SYTL4: variants seen among roughly 807,000 people sequenced by gnomAD.
SYTL4 encodes synaptotagmin-like protein 4.
A neutral mutation model predicts 52.7 loss-of-function variants in SYTL4; 16 were observed. The observed-to-expected ratio is 0.30, with a 90% CI of 0.21 to 0.46. The LOEUF is 0.46. Among genes scored for constraint, SYTL4 ranks in the 20% least tolerant of loss-of-function variants. The pLI, the probability that SYTL4 is intolerant of heterozygous loss-of-function variation, is 1.00. For synonymous variants in SYTL4, 160 were observed against 186.6 expected, an observed-to-expected ratio of 0.86 and a Z score of 1.16; for missense variants, 423 against 519.9, an observed-to-expected ratio of 0.81 and a Z score of 1.81.
intron 3 of SYTL4, among the ~76,000 whole-genome samples, 188 bp from the exon 4 acceptor site, chrX:100,703,373 T>A (rs1032550631): frequency 9.9e-5 from 11 of 111,227 alleles, no homozygotes; most frequent in South Asian, 3.8e-4. Flanking sequence ...CTGGAAAAAA[T>A]TTTTTTTAAT....
intron 16 of SYTL4, among the ~76,000 whole-genome samples, 172 bp from the exon 17 acceptor site, chrX:100,681,507 T>C (rs1329983698): frequency 8.9e-6 from 1 of 111,795 alleles, no homozygotes; most frequent in Non-Finnish European, 1.9e-5. Context: ...CACAGGTTTC[T>C]ATGGCAGTTT....
rs1181762978 is a variant in SYTL4 at position 100,699,482 on chromosome X, CT to C, written c.539+1414del. ...AATGAATGTTCATAGCAGCATTACT[CT>C]TTTTTTTTTTTTTTTTTTTTTTTTG... On this transcript the variant is annotated intron_variant, in intron 8 of 19. Transcript: ENST00000372989. Among the ~76,000 whole-genome samples, 356 of 59,846 alleles carry C rather than the reference CT, an allele frequency of 5.9e-3. 12 individuals carry two copies. Among genetic ancestry groups the C allele is most frequent in the East Asian group, 0.025 (44 of 1,769 alleles). The allele number at this position is 59,846 out of a possible 115,157, so 52.0% of individuals were successfully genotyped here.
At chrX:100,729,415 T>G (rs1183146466) in intron 2 of SYTL4, among the ~76,000 whole-genome samples, 1 of 110,172 alleles carries the variant, frequency 9.1e-6, no homozygotes, top group Non-Finnish European at 1.9e-5. Flanking sequence ...AACAATGTAA[T>G]AAGGTAGGGA....
intron 2 of SYTL4, among the ~76,000 whole-genome samples, chrX:100,717,563 T>A (rs1048038096): frequency 8.8e-6 from 1 of 113,036 alleles, no homozygotes; most frequent in Non-Finnish European, 1.9e-5. Flanking sequence ...AATCACATCA[T>A]GTGTGGCTGG....
chrX:100,682,552 A>C (rs896243570), intron 16 of SYTL4, among the ~76,000 whole-genome samples: 3 of 110,040 alleles, frequency 2.7e-5, no homozygotes, highest in Non-Finnish European at 3.8e-5. Context: ...AACAAAAAAC[A>C]CAGAAATCAG....
intron 2 of SYTL4, among the ~76,000 whole-genome samples, chrX:100,714,864 T>C (rs1335830084): frequency 8.9e-6 from 1 of 112,108 alleles, no homozygotes; most frequent in Non-Finnish European, 1.9e-5. Context: ...GAATCAGATG[T>C]TCAAGTAGCT....
chrX:100,727,699 T>C (rs1363036451), intron 2 of SYTL4, among the ~76,000 whole-genome samples: 1 of 112,058 alleles, frequency 8.9e-6, no homozygotes, highest in Non-Finnish European at 1.9e-5. Flanking sequence ...TGGAGACGTG[T>C]GGCAGAACAC....
intron 2 of SYTL4, among the ~76,000 whole-genome samples, chrX:100,722,339 C>T (rs991428348): frequency 1.8e-5 from 2 of 111,358 alleles, no homozygotes; most frequent in Non-Finnish European, 3.8e-5. Flanking sequence ...ACTATGCTTC[C>T]CTAGGCTGCT....
At chrX:100,693,283 A>G (rs944249757) in intron 8 of SYTL4, among the ~76,000 whole-genome samples, 4 of 111,997 alleles carry the variant, frequency 3.6e-5, no homozygotes, top group Non-Finnish European at 7.5e-5. Context: ...GGCCTCCTCA[A>G]TGTCTCCACG....
Position 100,678,438 on chromosome X carries a change from A to G in SYTL4, c.1820T>C (p.Leu607Pro). 8.3e-7 allele frequency: 1 copy of G among 1,211,502 alleles called. No individual in the cohort carries two copies. ...CCCTCCCAGGAAGTCATTGCTGGCC[A>G]GGGGCTCCCGGTCCCACACAGTCAG... The part of the protein sequence containing the change: ...LELTVWDREP[L>P]ASNDFLGGVR... Residue 607 changes from leucine to proline, a missense_variant, in exon 19 of 20, where the codon CTG (leucine) becomes CCG (proline). Coordinates refer to ENST00000372989, the MANE Select transcript of SYTL4 (RefSeq NM_001370165.1).
At chrX:100,701,351 T>C in intron 6 of SYTL4, 22 bp from the exon 7 acceptor site, 3 of 1,180,841 alleles carry the variant, frequency 2.5e-6, no homozygotes, top group Admixed American at 2.2e-5. Flanking sequence ...TAAAAGAAAA[T>C]GACAGATGGA....
Position 100,700,929 on chromosome X carries a change from T to C in SYTL4, c.507A>G (p.Arg169=), listed in dbSNP as rs16983588. Residue 169 remains arginine, a synonymous_variant, in exon 8 of 20, where the codon AGA becomes AGG. Transcript: ENST00000372989. ...CCTTCTGCCGCTCCTGAATGATCTT[T>C]CTTCCTGGCCAGATGTCACCCATCT... The part of the protein sequence containing the change: ...QTQMGDIWPG[R]KIIQERQKEP... 0.027 allele frequency: 32,220 copies of C among 1,208,744 alleles called. 4,414 individuals carry two copies. The African/African-American group carries it at 0.45, about 17-fold the overall frequency.
chrX:100,723,986 C>T (rs1182595995), intron 2 of SYTL4, among the ~76,000 whole-genome samples: 3 of 98,561 alleles, frequency 3.0e-5, no homozygotes, highest in African/African-American at 1.2e-4. Context: ...GCCCCCCGCC[C>T]GGCCAGCCGC....
At chrX:100,681,072 G>A (rs1279983500) in intron 17 of SYTL4, among the ~76,000 whole-genome samples, 155 bp downstream of exon 17, 5 of 111,097 alleles carry the variant, frequency 4.5e-5, no homozygotes, top group Non-Finnish European at 1.9e-5. Context: ...TTGAAAAAAC[G>A]CAGAGAGGCT....
intron 8 of SYTL4, among the ~76,000 whole-genome samples, chrX:100,694,409 C>A (rs1326393689): frequency 1.8e-5 from 2 of 111,343 alleles, no homozygotes; most frequent in Non-Finnish European, 3.8e-5. Context: ...GGTCTTTATA[C>A]CTCCTTCTTT....
chrX:100,682,213 A>G (rs145291437), intron 16 of SYTL4, among the ~76,000 whole-genome samples: 2,626 of 111,654 alleles, frequency 0.024, 85 homozygotes, highest in African/African-American at 0.082. Context: ...AGAAAAACCC[A>G]GGATACGAAC....
chrX:100,686,380 GGATGA>G, intron 15 of SYTL4: 1 of 390,685 alleles, frequency 2.6e-6, no homozygotes, highest in African/African-American at 2.5e-5. Flanking sequence ...TTTCTTAAGT[GGATGA>G]GATAACACTG....
At position 100,675,895 on chromosome X, in the gene SYTL4, T is replaced by TACACAC. The variant is rs55934817; in HGVS notation, c.*127_*132dup. ...TGCAGAAAATACATGTTTGTACACA[T>TACACAC]ACACACACACACACACACACACACA... On this transcript the variant is annotated 3_prime_UTR_variant, in exon 20 of 20. Coordinates refer to ENST00000372989, the MANE Select transcript of SYTL4 (RefSeq NM_001370165.1). 1.5e-3 allele frequency: 585 copies of TACACAC among 399,051 alleles called. 4 individuals are homozygous for TACACAC. In the African/African-American group the frequency reaches 0.016, roughly 11 times the overall value. 32.9% of individuals were successfully genotyped at this position (399,051 alleles called of 1,213,427 possible).
In SYTL4 at chrX:100,712,123, T is replaced by G. The variant is rs1282908128; in HGVS notation, c.-239-7237A>C. Among the ~76,000 whole-genome samples, 3 of 111,512 alleles carry G rather than the reference T, an allele frequency of 2.7e-5. No homozygotes were observed. In the Admixed American group the frequency reaches 2.9e-4, roughly 11 times the overall value. On this transcript the variant is annotated intron_variant, in intron 2 of 19. Coordinates refer to ENST00000372989, the MANE Select transcript of SYTL4 (RefSeq NM_001370165.1). ...TGAAAGAATTAATCACCAGCAGACCTGCACTATAAAAAGTGTTAAAGGAAG... is the reference window on the plus strand; with the variant it reads ...TGAAAGAATTAATCACCAGCAGACCGGCACTATAAAAAGTGTTAAAGGAAG...
Sources: allele counts gnomAD v4.1 joint callset (sites outside exome capture counted in the v4.1 genomes callset), GRCh38; gene constraint gnomAD v4.1.1; transcripts MANE v1.5; gene names NCBI Gene and HGNC (gene_info 2026-07-23, HGNC 2026-07-21).